VWA8: variants seen among roughly 807,000 people sequenced by gnomAD.
VWA8 encodes the protein von Willebrand factor A domain-containing protein 8.
VWA8 carries 221 observed loss-of-function variants against 241.5 expected under a neutral mutation model. The ratio of observed to expected loss-of-function variants is 0.91; its 90% confidence interval spans 0.82 to 1.02. The LOEUF is 1.02. VWA8 is among the 50% of genes least tolerant of loss of function. The pLI, the probability that VWA8 is intolerant of heterozygous loss-of-function variation, is 0.00. For synonymous variants in VWA8, 852 were observed against 827.1 expected, an observed-to-expected ratio of 1.03 and a Z score of -0.52; for missense variants, 2,322 against 2,328.7, an observed-to-expected ratio of 1.00 and a Z score of 0.06.
intron 12 of VWA8, among the ~76,000 whole-genome samples, chr13:41,833,924 G>T (rs1871599329): frequency 6.6e-6 from 1 of 152,118 alleles, no homozygotes; most frequent in South Asian, 2.1e-4. Flanking sequence ...TCCATGTGTT[G>T]ACTCAATTTT....
chr13:41,839,393 T>C (rs554062125), intron 12 of VWA8, among the ~76,000 whole-genome samples: 173 of 152,332 alleles, frequency 1.1e-3, no homozygotes, highest in Non-Finnish European at 1.6e-3. Flanking sequence ...ATATTAGATC[T>C]TTGTCAGATG....
chr13:41,925,157 G>GA (rs1876772705), intron 2 of VWA8, among the ~76,000 whole-genome samples: 1 of 152,070 alleles, frequency 6.6e-6, no homozygotes, highest in African/African-American at 2.4e-5. Flanking sequence ...ACTACACCCA[G>GA]AAAAAACTGC....
intron 16 of VWA8, among the ~76,000 whole-genome samples, chr13:41,816,450 C>G (rs1307112734): frequency 6.6e-6 from 1 of 152,080 alleles, no homozygotes; most frequent in African/African-American, 2.4e-5. Flanking sequence ...CAGAGCAGAA[C>G]CCCCATGAAC....
At chr13:41,886,905 C>G (rs898852761) in intron 6 of VWA8, 75 bp from the exon 7 acceptor site, 1 of 1,165,240 alleles carries the variant, frequency 8.6e-7, no homozygotes, top group African/African-American at 1.6e-5. Flanking sequence ...TTTGTAGATA[C>G]AATCCAACCT....
In VWA8 at chr13:41,627,795, T is replaced by C. The variant is rs187072171; in HGVS notation, c.4612-12711A>G. ...TAGATAGAGCAGAGTGAGAGTTCCG[T>C]GATCCCCAATAGGTAAAGACTACGC... On this transcript the variant is annotated intron_variant, in intron 37 of 44. Coordinates refer to ENST00000379310, the MANE Select transcript of VWA8 (RefSeq NM_015058.2). Among the ~76,000 whole-genome samples, 135 of 152,186 alleles carry C rather than the reference T, an allele frequency of 8.9e-4. 1 individual carries two copies. The South Asian group carries it at 0.014, about 16-fold the overall frequency.
Position 41,721,497 on chromosome 13 carries a change from T to C in VWA8, c.2837A>G (p.Asn946Ser). Reference sequence around the variant, plus strand: ...CTTCTGAAGGATGGGCTCAGGCACATTTGGTCCATACTGTCTGAGCATCTC... The same window carrying C: ...CTTCTGAAGGATGGGCTCAGGCACACTTGGTCCATACTGTCTGAGCATCTC... Reference protein sequence around the residue: ...ELEMLRQYGPNVPEPILQKLV... With the variant: ...ELEMLRQYGPSVPEPILQKLV... The change falls in exon 25 of 45, where the codon AAT becomes AGT. Residue 946 changes from asparagine to serine, a missense_variant. Transcript: ENST00000379310. The C allele has an allele frequency of 6.2e-7, 1 of 1,613,928 alleles. No homozygotes were observed. Among genetic ancestry groups the C allele is most frequent in the South Asian group, 1.1e-5 (1 of 91,072 alleles).
chr13:41,693,037 C>T, intron 29 of VWA8, 65 bp from the exon 30 acceptor site: 1 of 1,115,602 alleles, frequency 9.0e-7, no homozygotes, highest in Non-Finnish European at 1.3e-6. Context: ...TTTAAAGCAG[C>T]AACCTCTTGG....
At chr13:41,643,281 T>C (rs12875336) in intron 37 of VWA8, among the ~76,000 whole-genome samples, 6,175 of 152,266 alleles carry the variant, frequency 0.041, 160 homozygotes, top group South Asian at 0.078. Context: ...GGTTCCTTGC[T>C]TTTTCCTTTC....
rs574265101 is a variant in VWA8, at chr13:41,743,693, A to G, written c.2427-11538T>C. 9.2e-5 allele frequency among the ~76,000 whole-genome samples: 14 copies of G among 152,338 alleles called. No homozygotes were observed. The East Asian group carries it at 2.5e-3, about 27-fold the overall frequency. On this transcript the variant is annotated intron_variant, in intron 21 of 44. Transcript: ENST00000379310. ...CACATTACCCTTTAAAAATATTTATATCATTTTCACTTTATTAATAGCATC... is the reference window on the plus strand; with the variant it reads ...CACATTACCCTTTAAAAATATTTATGTCATTTTCACTTTATTAATAGCATC...
intron 21 of VWA8, among the ~76,000 whole-genome samples, chr13:41,758,394 GCTAGTATATATA>G: frequency 2.1e-4 from 1 of 4,766 alleles, no homozygotes; most frequent in South Asian, 0.012. Context: ...ATATATATAC[GCTAGTATATATA>G]TATATATATA....
chr13:41,828,914 C>T (rs1386742936), intron 14 of VWA8, among the ~76,000 whole-genome samples: 1 of 152,008 alleles, frequency 6.6e-6, no homozygotes, highest in Non-Finnish European at 1.5e-5. Context: ...CTCACCATTG[C>T]ATTTGGTTGT....
At chr13:41,885,185 G>A (rs544091084) in intron 8 of VWA8, among the ~76,000 whole-genome samples, 10 of 152,178 alleles carry the variant, frequency 6.6e-5, no homozygotes, top group East Asian at 3.9e-4. Flanking sequence ...TCACAATAGC[G>A]GTCTGACTTC....
rs113756509 is a variant in VWA8 at position 41,590,587 on chromosome 13, G to A, written c.5112+53C>T. 3.1e-3 allele frequency: 4,630 copies of A among 1,501,516 alleles called. 132 individuals carry two copies. In the African/African-American group the frequency reaches 0.057, roughly 18 times the overall value. The allele number at this position is 1,501,516 out of a possible 1,614,324, so 93.0% of individuals were successfully genotyped here. A position where few individuals can be genotyped will look rare whatever the true frequency, so the allele number is the denominator to read the frequency against. On this transcript the variant is annotated intron_variant, in intron 41 of 44. Transcript: ENST00000379310. ...ACACAACTCACGAAAGCAAGTTTCT[G>A]TAAAGAGGGCTAGACTATGCAGAGC...
At chr13:41,745,321 G>A (rs927312323) in intron 21 of VWA8, among the ~76,000 whole-genome samples, 1 of 152,078 alleles carries the variant, frequency 6.6e-6, no homozygotes, top group African/African-American at 2.4e-5. Context: ...CCCAGTGTGT[G>A]ATGTTCCCGG....
chr13:41,692,322 G>T (rs558492827), intron 30 of VWA8, among the ~76,000 whole-genome samples: 111 of 151,974 alleles, frequency 7.3e-4, no homozygotes, highest in African/African-American at 2.4e-3. Flanking sequence ...AGTCTTTTAA[G>T]ACCTAAGTAT....
chr13:41,630,378 A>C (rs1299321052), intron 37 of VWA8, among the ~76,000 whole-genome samples: 2 of 151,754 alleles, frequency 1.3e-5, no homozygotes, highest in African/African-American at 4.8e-5. Context: ...AACCCAACTC[A>C]GTCTCACCCT....
intron 3 of VWA8, among the ~76,000 whole-genome samples, chr13:41,911,812 T>C (rs1876013566): frequency 6.6e-6 from 1 of 152,226 alleles, no homozygotes; most frequent in African/African-American, 2.4e-5. Context: ...TGGGGGACTT[T>C]CTAGTTACAG....
At chr13:41,609,278 C>A (rs185415973) in intron 39 of VWA8, among the ~76,000 whole-genome samples, 31 of 152,258 alleles carry the variant, frequency 2.0e-4, no homozygotes, top group African/African-American at 7.5e-4. Context: ...TGGTGGGAAC[C>A]GACCTCATTC....
chr13:41,687,815 C>A (rs2045147101), intron 34 of VWA8, among the ~76,000 whole-genome samples: 1 of 152,050 alleles, frequency 6.6e-6, no homozygotes, highest in Admixed American at 6.6e-5. Flanking sequence ...GTGGTAGGTA[C>A]CACACTAAGT....
Sources: allele counts gnomAD v4.1 joint callset (sites outside exome capture counted in the v4.1 genomes callset), GRCh38; gene constraint gnomAD v4.1.1; transcripts MANE v1.5; gene names NCBI Gene and HGNC (gene_info 2026-07-23, HGNC 2026-07-21).